The following ATXN7L1 variants were observed in gnomAD, a reference collection of about 807,000 sequenced individuals.
ATXN7L1 encodes ataxin-7-like protein 1.
Under a neutral mutation model 70.8 loss-of-function variants are expected in ATXN7L1, and 15 were observed. The observed-to-expected ratio is 0.21, with a 90% CI of 0.14 to 0.33. ATXN7L1 has a LOEUF of 0.33. Ranked by LOEUF, ATXN7L1 falls within the 10% of genes least tolerant of loss-of-function variation. The pLI is 1.00. For missense variants in ATXN7L1, 975 were observed against 1,097.1 expected, an observed-to-expected ratio of 0.89 and a Z score of 1.57; for synonymous variants, 440 against 445.1, an observed-to-expected ratio of 0.99 and a Z score of 0.14.
chr7:105,826,052 T>G (rs1327144081), intron 2 of ATXN7L1, among the ~76,000 whole-genome samples: 3 of 152,180 alleles, frequency 2.0e-5, no homozygotes, highest in African/African-American at 7.2e-5. Flanking sequence ...CTCATATATA[T>G]ACCCTTTATA....
At chr7:105,867,410 A>G (rs1467220105) in intron 2 of ATXN7L1, among the ~76,000 whole-genome samples, 1 of 152,200 alleles carries the variant, frequency 6.6e-6, no homozygotes, top group Non-Finnish European at 1.5e-5. Context: ...ACTGTATAAT[A>G]AATGCCATCA....
At chr7:105,745,317 T>C (rs762987691) in intron 3 of ATXN7L1, among the ~76,000 whole-genome samples, 2 of 152,196 alleles carry the variant, frequency 1.3e-5, no homozygotes, top group Non-Finnish European at 1.5e-5. Flanking sequence ...AACTTTTCGG[T>C]AAGTTTGAAA....
chr7:105,723,949 C>T (rs573548929), intron 3 of ATXN7L1, among the ~76,000 whole-genome samples: 3 of 152,290 alleles, frequency 2.0e-5, no homozygotes, highest in African/African-American at 7.2e-5. Context: ...GATTTTAGAA[C>T]TGAAAGACAC....
chr7:105,619,522 ATATATATATTTTTTTTTTT>A (rs1384243530), intron 9 of ATXN7L1, among the ~76,000 whole-genome samples: 1 of 20,128 alleles, frequency 5.0e-5, no homozygotes, highest in South Asian at 2.0e-3. Flanking sequence ...ATATATATAT[ATATATATATTTTTTTTTTT>A]TTTTTTTTTT....
Position 105,604,993 on chromosome 7 carries a change from T to A in ATXN7L1, c.*2859A>T, listed in dbSNP as rs34287416. The A allele has an allele frequency of 6.6e-6, 1 of 151,558 alleles. No individual in the cohort carries two copies. The highest frequency in any genetic ancestry group is 1.5e-5 in the Non-Finnish European group (1 of 67,940). The allele number at this position is 151,558 out of a possible 1,614,324, so 9.4% of individuals were successfully genotyped here. Reference sequence around the variant, plus strand: ...TCTACAAAGGTTGATCAGCATTATTTACAATTGGTACATTGATACAAAAGA... The same window carrying A: ...TCTACAAAGGTTGATCAGCATTATTAACAATTGGTACATTGATACAAAAGA... On this transcript the variant is annotated 3_prime_UTR_variant, in exon 12 of 12. Transcript: ENST00000419735.
chr7:105,783,532 A>G (rs1156418115), intron 3 of ATXN7L1, among the ~76,000 whole-genome samples: 1 of 152,158 alleles, frequency 6.6e-6, no homozygotes, highest in Non-Finnish European at 1.5e-5. Flanking sequence ...CCAATGGCCA[A>G]TGATTTAACC....
chr7:105,803,617 A>G (rs1379107047), intron 2 of ATXN7L1, among the ~76,000 whole-genome samples: 1 of 152,212 alleles, frequency 6.6e-6, no homozygotes, highest in East Asian at 1.9e-4. Context: ...GGAATCTTTC[A>G]GGAGCTCTTA....
chr7:105,725,594 T>TC (rs2116313727), intron 3 of ATXN7L1, among the ~76,000 whole-genome samples: 1 of 151,834 alleles, frequency 6.6e-6, no homozygotes, highest in East Asian at 1.9e-4. Flanking sequence ...TTTTTTTTTT[T>TC]TTTTGAGATG....
chr7:105,732,978 C>A (rs988940434), intron 3 of ATXN7L1, among the ~76,000 whole-genome samples: 5 of 152,326 alleles, frequency 3.3e-5, no homozygotes, highest in Non-Finnish European at 7.3e-5. Flanking sequence ...ATCAGAGAAA[C>A]CTTTGTGGTG....
At chr7:105,872,484 G>A (rs1818411851) in intron 2 of ATXN7L1, among the ~76,000 whole-genome samples, 1 of 152,148 alleles carries the variant, frequency 6.6e-6, no homozygotes, top group African/African-American at 2.4e-5. Context: ...ATATTATTCA[G>A]CCTTAAAAAG....
At chr7:105,689,397 AGGGT>A (rs1790437726) in intron 3 of ATXN7L1, among the ~76,000 whole-genome samples, 1 of 152,278 alleles carries the variant, frequency 6.6e-6, no homozygotes, top group African/African-American at 2.4e-5. Context: ...CAAGGATGGC[AGGGT>A]GGGAGGGTTT....
chr7:105,803,528 G>A (rs930431884), intron 2 of ATXN7L1, among the ~76,000 whole-genome samples: 2 of 152,202 alleles, frequency 1.3e-5, no homozygotes, highest in Admixed American at 1.3e-4. Context: ...ACCTCTCTGG[G>A]GCCCTAGAAC....
At chr7:105,726,597 T>A (rs1795844317) in intron 3 of ATXN7L1, among the ~76,000 whole-genome samples, 1 of 152,194 alleles carries the variant, frequency 6.6e-6, no homozygotes, top group Non-Finnish European at 1.5e-5. Context: ...AGGTGAGAAA[T>A]ACAGCGTTGA....
intron 2 of ATXN7L1, among the ~76,000 whole-genome samples, chr7:105,795,258 A>G (rs1805819649): frequency 6.6e-6 from 1 of 152,270 alleles, no homozygotes; most frequent in Non-Finnish European, 1.5e-5. Flanking sequence ...GTCAACACTG[A>G]AAAAGAAACT....
chr7:105,770,914 G>A (rs1801892633), intron 3 of ATXN7L1, among the ~76,000 whole-genome samples: 1 of 152,010 alleles, frequency 6.6e-6, no homozygotes, highest in African/African-American at 2.4e-5. Context: ...TAAAAATACA[G>A]ACCTGGGCTA....
chr7:105,774,170 C>G (rs778343162), intron 3 of ATXN7L1, among the ~76,000 whole-genome samples: 36 of 152,126 alleles, frequency 2.4e-4, no homozygotes, highest in Non-Finnish European at 4.1e-4. Flanking sequence ...AAGAATATGA[C>G]AAAGGCAGCT....
intron 3 of ATXN7L1, among the ~76,000 whole-genome samples, chr7:105,680,275 T>A (rs900325438): frequency 6.6e-6 from 1 of 152,146 alleles, no homozygotes; most frequent in African/African-American, 2.4e-5. Context: ...AATGACTGCC[T>A]ATGTAAGATG....
chr7:105,610,659 C>T (rs2272172), intron 10 of ATXN7L1, 56 bp from the exon 11 acceptor site: 41,491 of 1,436,240 alleles, frequency 0.029, 903 homozygotes, highest in South Asian at 0.075. Flanking sequence ...GGGAAGGGCC[C>T]GCCGATGCCA....
At chr7:105,807,995 C>G (rs1169843350) in intron 2 of ATXN7L1, among the ~76,000 whole-genome samples, 2 of 152,226 alleles carry the variant, frequency 1.3e-5, no homozygotes, top group Admixed American at 1.3e-4. Flanking sequence ...AGCTCTGAAG[C>G]ACTGGAGGAT....
Sources: allele counts gnomAD v4.1 joint callset (sites outside exome capture counted in the v4.1 genomes callset), GRCh38; gene constraint gnomAD v4.1.1; transcripts MANE v1.5; gene names NCBI Gene and HGNC (gene_info 2026-07-23, HGNC 2026-07-21).